The following CDYL variants were observed in gnomAD, a reference collection of about 807,000 sequenced individuals.
CDYL encodes the protein chromodomain Y like.
Under a neutral mutation model 47.3 loss-of-function variants are expected in CDYL, and 8 were observed. The observed-to-expected ratio is 0.17, with a 90% CI of 0.10 to 0.31. The LOEUF is 0.31. Among genes scored for constraint, CDYL ranks in the 10% least tolerant of loss-of-function variants. The probability of loss-of-function intolerance (pLI) is 1.00; values close to 1 mark genes in which losing one functional copy is unlikely to be tolerated. For synonymous variants in CDYL, 266 were observed against 265.0 expected (o/e 1.00, Z -0.04); for missense variants, 471 against 701.4 (o/e 0.67, Z 3.71).
chr6:4,774,826 T>TA (rs1758394993), upstream of CDYL: 1 of 152,276 alleles, frequency 6.6e-6, no homozygotes, highest in South Asian at 2.1e-4. Context: ...AAGAGGGAGT[T>TA]ACCGATTTGG....
chr6:4,838,554 A>G (rs1046371701), intron 1 of CDYL, among the ~76,000 whole-genome samples: 8 of 152,284 alleles, frequency 5.3e-5, no homozygotes, highest in Middle Eastern at 3.4e-3. Flanking sequence ...TTGTTGACTG[A>G]TAAGTATTTG....
intron 1 of CDYL, among the ~76,000 whole-genome samples, chr6:4,812,106 A>T (rs1478734410): frequency 6.6e-6 from 1 of 152,220 alleles, no homozygotes; most frequent in Non-Finnish European, 1.5e-5. Context: ...ATTTGTAGGG[A>T]CATGGTTTTG....
rs1490792294 is a variant in CDYL at position 4,954,273 on chromosome 6, A to G, written c.*217A>G. The G allele has an allele frequency of 4.4e-6, 2 of 451,596 alleles. No homozygotes were observed. The allele number at this position is 451,596 out of a possible 1,614,324, so 28.0% of individuals were successfully genotyped here. A position where few individuals can be genotyped will look rare whatever the true frequency, so the allele number is the denominator to read the frequency against. On this transcript the variant is annotated 3_prime_UTR_variant, in exon 7 of 7. Transcript: ENST00000397588. ...TACAAAGCTTCTTTGTCCAAACGTC[A>G]TTATTTTATACTTATATACACGCAG...
chr6:4,890,440 A>G (rs905753318), intron 1 of CDYL, among the ~76,000 whole-genome samples: 24 of 152,302 alleles, frequency 1.6e-4, no homozygotes, highest in African/African-American at 5.8e-4. Flanking sequence ...CGGCCCTGTG[A>G]TGAGCTAAGG....
At chr6:4,750,179 A>G (rs1361879913) in intron 3 of CDYL, among the ~76,000 whole-genome samples, 1 of 151,922 alleles carries the variant, frequency 6.6e-6, no homozygotes, top group East Asian at 1.9e-4. Context: ...TCCTTGCAAA[A>G]AAAAGTTTTT....
chr6:4,883,995 T>C (rs1761833144), intron 1 of CDYL, among the ~76,000 whole-genome samples: 1 of 152,172 alleles, frequency 6.6e-6, no homozygotes, highest in African/African-American at 2.4e-5. Flanking sequence ...TGACTCACCA[T>C]GTGTGTGCAT....
chr6:4,859,933 G>A (rs1330313495), intron 1 of CDYL, among the ~76,000 whole-genome samples: 1 of 148,192 alleles, frequency 6.7e-6, no homozygotes, highest in African/African-American at 2.5e-5. Flanking sequence ...ATGGAGTCTC[G>A]CTCTGTCACC....
Sources: allele counts gnomAD v4.1 joint callset (sites outside exome capture counted in the v4.1 genomes callset), GRCh38; gene constraint gnomAD v4.1.1; transcripts MANE v1.5; gene names NCBI Gene and HGNC (gene_info 2026-07-23, HGNC 2026-07-21).